The following KIRREL3 variants were observed in gnomAD, a reference collection of about 807,000 sequenced individuals.
KIRREL3 encodes the protein kin of IRRE-like protein 3.
KIRREL3 carries 36 observed loss-of-function variants against 89.7 expected under a neutral mutation model. The observed-to-expected ratio is 0.40, with a 90% confidence interval of 0.31 to 0.53. The LOEUF is 0.53. Among genes scored for constraint, KIRREL3 ranks in the 20% least tolerant of loss-of-function variants. KIRREL3 has a pLI of 0.49. For missense variants in KIRREL3, 864 were observed against 1,056.6 expected (o/e 0.82, Z 2.53); for synonymous variants, 445 against 441.4 (o/e 1.01, Z -0.10).
chr11:126,679,113 T>C (rs1946336462), intron 1 of KIRREL3, among the ~76,000 whole-genome samples: 1 of 152,198 alleles, frequency 6.6e-6, no homozygotes, highest in Admixed American at 6.5e-5. Flanking sequence ...CTGCCCCTTC[T>C]TCCTGAATGT....
In KIRREL3 at chr11:126,520,124, T is replaced by C. The variant is rs549354512; in HGVS notation, c.433+1191A>G. ...CTGCACTGCTTGGAATAATCTGCCCTGGTGTCTTTGGCCATGTAGATCTGA... is the reference window on the plus strand; with the variant it reads ...CTGCACTGCTTGGAATAATCTGCCCCGGTGTCTTTGGCCATGTAGATCTGA... On this transcript the variant is annotated intron_variant, in intron 4 of 16. Transcript: ENST00000525144. The surrounding 1 kb of genome is among the most constrained non-coding windows in gnomAD (Gnocchi z 4.9). Among the ~76,000 whole-genome samples, 2 of 152,320 alleles carry C rather than the reference T, an allele frequency of 1.3e-5. No homozygotes were observed. The highest frequency in any genetic ancestry group is 3.9e-4 in the East Asian group (2 of 5,172).
chr11:126,618,486 G>C (rs990597400), intron 1 of KIRREL3, among the ~76,000 whole-genome samples: 1 of 152,124 alleles, frequency 6.6e-6, no homozygotes, highest in Non-Finnish European at 1.5e-5. Context: ...CCAGGTTGGA[G>C]TGCAGTGGCA....
chr11:126,723,356 T>A lies in KIRREL3; in HGVS notation c.56-160444A>T, dbSNP rs1485237780. 6.6e-6 allele frequency among the ~76,000 whole-genome samples: 1 copy of A among 152,080 alleles called. No homozygotes were observed. The highest frequency in any genetic ancestry group is 2.4e-5 in the African/African-American group (1 of 41,408). ...GAGAACACAGCATTAGTGGGAGCTGTGGAGAGGAGGCTAGAAATAGGCAAA... is the reference window on the plus strand; with the variant it reads ...GAGAACACAGCATTAGTGGGAGCTGAGGAGAGGAGGCTAGAAATAGGCAAA... On this transcript the variant is annotated intron_variant, in intron 1 of 16. Coordinates refer to ENST00000525144, the MANE Select transcript of KIRREL3 (RefSeq NM_032531.4). This position sits in a 1 kb window ranked among gnomAD's most constrained non-coding sequence, Gnocchi z 4.0.
In KIRREL3 at chr11:126,999,813, C is replaced by T. The variant is rs532449529; in HGVS notation, c.55+642G>A. On this transcript the variant is annotated intron_variant, in intron 1 of 16. Coordinates refer to ENST00000525144, the MANE Select transcript of KIRREL3 (RefSeq NM_032531.4). The surrounding 1 kb of genome is among the most constrained non-coding windows in gnomAD (Gnocchi z 5.7). ...GAAAGGAAACCATCAGCACCACGGGCGAAATTTCATTTTATACCCTGAATT... is the reference window on the plus strand; with the variant it reads ...GAAAGGAAACCATCAGCACCACGGGTGAAATTTCATTTTATACCCTGAATT... Among the ~76,000 whole-genome samples the T allele has an allele frequency of 2.5e-4, 38 of 152,310 alleles. No individual in the cohort carries two copies. Among genetic ancestry groups the T allele is most frequent in the Non-Finnish European group, 4.9e-4 (33 of 68,032 alleles).
At chr11:126,937,641 C>T (rs1398171622) in intron 1 of KIRREL3, among the ~76,000 whole-genome samples, 1 of 152,224 alleles carries the variant, frequency 6.6e-6, no homozygotes, top group Non-Finnish European at 1.5e-5. Context: ...TGGCTCATGC[C>T]TGTAATCCCA....
At chr11:126,798,446 T>TA (rs1175639814) in intron 1 of KIRREL3, among the ~76,000 whole-genome samples, 1 of 152,210 alleles carries the variant, frequency 6.6e-6, no homozygotes, top group Non-Finnish European at 1.5e-5. Flanking sequence ...ACCAAAGAAT[T>TA]AGGTAAACAC....
intron 1 of KIRREL3, among the ~76,000 whole-genome samples, chr11:126,899,195 T>C (rs1158621327): frequency 6.6e-6 from 1 of 152,122 alleles, no homozygotes; most frequent in Non-Finnish European, 1.5e-5. Context: ...GTTTCTCATT[T>C]GGGGAGTGCA....
Position 126,900,120 on chromosome 11 carries a change from C to A in KIRREL3, c.55+100335G>T. ...AATTGTTTTGCACAATGGAGACACA[C>A]TCCTTGGGTCAGGAAACTAAATGTG... is the stretch of plus-strand genomic sequence containing the variant. On this transcript the variant is annotated intron_variant, in intron 1 of 16. Coordinates refer to ENST00000525144, the MANE Select transcript of KIRREL3 (RefSeq NM_032531.4). This position sits in a 1 kb window ranked among gnomAD's most constrained non-coding sequence, Gnocchi z 4.4. 6.6e-6 allele frequency among the ~76,000 whole-genome samples: 1 copy of A among 152,226 alleles called. No individual in the cohort carries two copies. The highest frequency in any genetic ancestry group is 1.9e-4 in the East Asian group (1 of 5,204).
intron 1 of KIRREL3, among the ~76,000 whole-genome samples, chr11:126,888,004 TC>T (rs1296065435): frequency 6.6e-6 from 1 of 152,198 alleles, no homozygotes; most frequent in Non-Finnish European, 1.5e-5. Flanking sequence ...AATGTGGACA[TC>T]AATTCCTTTA....
intron 1 of KIRREL3, among the ~76,000 whole-genome samples, chr11:126,959,153 G>C (rs892681759): frequency 3.3e-5 from 5 of 152,212 alleles, no homozygotes; most frequent in African/African-American, 1.2e-4. Flanking sequence ...TGGCTGTTGT[G>C]CCAGCTTGTG....
In KIRREL3 at chr11:126,805,754, A is replaced by T. The variant is rs1394437150; in HGVS notation, c.55+194701T>A. Among the ~76,000 whole-genome samples, 1 of 152,204 alleles carries T rather than the reference A, an allele frequency of 6.6e-6. No homozygotes were observed. Among genetic ancestry groups the T allele is most frequent in the African/African-American group, 2.4e-5 (1 of 41,460 alleles). ...ACAGGGAGAGGGAGGAAGAGAAGCA[A>T]GGAAGAAAAACCAAGGGAGGAGGGA... On this transcript the variant is annotated intron_variant, in intron 1 of 16. Transcript: ENST00000525144. The surrounding 1 kb of genome is among the most constrained non-coding windows in gnomAD (Gnocchi z 4.3).
rs1286003135 is a variant in KIRREL3, at chr11:126,495,832, A to T, written c.434-22366T>A. ...TGGGACTCTAGTCCTGACACTCAGCAAATGGCAACTGCATGCTACCAGGAG... is the reference window on the plus strand; with the variant it reads ...TGGGACTCTAGTCCTGACACTCAGCTAATGGCAACTGCATGCTACCAGGAG... On this transcript the variant is annotated intron_variant, in intron 4 of 16. Coordinates refer to ENST00000525144, the MANE Select transcript of KIRREL3 (RefSeq NM_032531.4). The surrounding 1 kb of genome is among the most constrained non-coding windows in gnomAD (Gnocchi z 6.5). 1.3e-5 allele frequency among the ~76,000 whole-genome samples: 2 copies of T among 152,228 alleles called. No individual in the cohort carries two copies. The highest frequency in any genetic ancestry group is 2.9e-5 in the Non-Finnish European group (2 of 68,040).
chr11:126,486,518 A>G lies in KIRREL3; in HGVS notation c.434-13052T>C, dbSNP rs1957363671. On this transcript the variant is annotated intron_variant, in intron 4 of 16. Coordinates refer to ENST00000525144, the MANE Select transcript of KIRREL3 (RefSeq NM_032531.4). This position sits in a 1 kb window ranked among gnomAD's most constrained non-coding sequence, Gnocchi z 6.2. ...CACATGCCCCCTTGCAGCCGCTCAC[A>G]AAGCTCTCCAGCTGGTTTCGACCTT... Among the ~76,000 whole-genome samples the G allele has an allele frequency of 6.6e-6, 1 of 152,224 alleles. No individual in the cohort carries two copies. The highest frequency in any genetic ancestry group is 1.5e-5 in the Non-Finnish European group (1 of 68,028).
intron 5 of KIRREL3, 58 bp downstream of exon 5, chr11:126,473,251 T>G: frequency 1.4e-4 from 6 of 42,658 alleles, no homozygotes; most frequent in Non-Finnish European, 2.4e-4. Flanking sequence ...CCTAGCCCCC[T>G]CCCCACCCAC....
At chr11:126,707,267 C>A (rs1459768944) in intron 1 of KIRREL3, among the ~76,000 whole-genome samples, 2 of 94,494 alleles carry the variant, frequency 2.1e-5, no homozygotes, top group East Asian at 6.6e-4. Flanking sequence ...TTTTTTTTGG[C>A]TTTTGACTGT....
In KIRREL3 at chr11:126,530,757, A is replaced by T. The variant is rs1205549441; in HGVS notation, c.134-4070T>A. ...AGGGTTTCCATCTTCTCCGCTTCGC[A>T]TTTTCCCTGATGATGTTCCCCTGGT... is the stretch of plus-strand genomic sequence containing the variant. On this transcript the variant is annotated intron_variant, in intron 2 of 16. Coordinates refer to ENST00000525144, the MANE Select transcript of KIRREL3 (RefSeq NM_032531.4). This position sits in a 1 kb window ranked among gnomAD's most constrained non-coding sequence, Gnocchi z 5.8. 1.3e-5 allele frequency among the ~76,000 whole-genome samples: 2 copies of T among 151,930 alleles called. No homozygotes were observed. The highest frequency in any genetic ancestry group is 2.9e-5 in the Non-Finnish European group (2 of 67,992).
chr11:126,469,885 C>T (rs1051589661), intron 5 of KIRREL3, among the ~76,000 whole-genome samples: 5 of 152,254 alleles, frequency 3.3e-5, no homozygotes, highest in African/African-American at 7.2e-5. Context: ...GTTTCTCTTC[C>T]GGAGCGTCTG....
intron 2 of KIRREL3, among the ~76,000 whole-genome samples, chr11:126,539,894 G>C (rs552851413): frequency 6.6e-6 from 1 of 152,222 alleles, no homozygotes; most frequent in Non-Finnish European, 1.5e-5. Flanking sequence ...TCCAAATATG[G>C]AAAGTTATAG....
At chr11:126,671,087 AACAGAGACTAGAC>A (rs1945921557) in intron 1 of KIRREL3, among the ~76,000 whole-genome samples, 1 of 152,224 alleles carries the variant, frequency 6.6e-6, no homozygotes, top group Admixed American at 6.5e-5. Flanking sequence ...CTATATTAGA[AACAGAGACTAGAC>A]ACAGATCTTA....
Sources: allele counts gnomAD v4.1 joint callset (sites outside exome capture counted in the v4.1 genomes callset), GRCh38; gene constraint gnomAD v4.1.1; non-coding constraint Gnocchi (gnomAD v3.1); transcripts MANE v1.5; gene names NCBI Gene and HGNC (gene_info 2026-07-23, HGNC 2026-07-21).